The following TAS2R1 variants were observed in gnomAD, a reference collection of about 807,000 sequenced individuals.
TAS2R1 encodes the protein taste 2 receptor member 1.
For synonymous variants in TAS2R1, 141 were observed against 134.2 expected (o/e 1.05, Z -0.35); for missense variants, 370 against 353.4 (o/e 1.05, Z -0.38).
chr5:9,849,149 G>A, the TAS2R1 span, among the ~76,000 whole-genome samples: 2 of 152,210 alleles, frequency 1.3e-5, no homozygotes, highest in Non-Finnish European at 2.9e-5. Flanking sequence ...AGTCCCAGAT[G>A]GAGATGTTCC....
the TAS2R1 span, among the ~76,000 whole-genome samples, chr5:9,881,043 T>C: frequency 6.6e-6 from 1 of 152,110 alleles, no homozygotes; most frequent in Non-Finnish European, 1.5e-5. Flanking sequence ...TCTTTCCCAC[T>C]GCTGGCTCTG....
chr5:9,770,859 T>C, the TAS2R1 span, among the ~76,000 whole-genome samples: 1 of 152,184 alleles, frequency 6.6e-6, no homozygotes, highest in Non-Finnish European at 1.5e-5. Context: ...ATTTGGCTTC[T>C]TCCTTTCCAA....
chr5:9,649,927 G>T (rs897082995), intron 2 of TAS2R1, among the ~76,000 whole-genome samples: 4 of 151,988 alleles, frequency 2.6e-5, no homozygotes, highest in African/African-American at 9.7e-5. Context: ...AAATGTGCCT[G>T]TCTATTTTAA....
the TAS2R1 span, among the ~76,000 whole-genome samples, chr5:9,894,358 C>T: frequency 6.6e-6 from 1 of 151,956 alleles, no homozygotes; most frequent in East Asian, 1.9e-4. Flanking sequence ...GAGCCAAGAT[C>T]ACGCCATTGT....
At chr5:9,850,923 G>C in the TAS2R1 span, among the ~76,000 whole-genome samples, 1 of 152,194 alleles carries the variant, frequency 6.6e-6, no homozygotes. Flanking sequence ...GAGTGGGAGG[G>C]GGAGAATGAG....
intron 2 of TAS2R1, among the ~76,000 whole-genome samples, chr5:9,643,588 T>C (rs1338826103): frequency 6.6e-6 from 1 of 152,138 alleles, no homozygotes; most frequent in Non-Finnish European, 1.5e-5. Context: ...TCTAAATTCA[T>C]AAAAAATAAA....
chr5:9,894,823 C>G, the TAS2R1 span, among the ~76,000 whole-genome samples: 5 of 152,240 alleles, frequency 3.3e-5, no homozygotes, highest in Non-Finnish European at 7.3e-5. Flanking sequence ...TTGTGTGGTT[C>G]AGTTGGTAAA....
chr5:9,898,320 T>C, the TAS2R1 span, among the ~76,000 whole-genome samples: 1 of 152,196 alleles, frequency 6.6e-6, no homozygotes, highest in African/African-American at 2.4e-5. Flanking sequence ...TCCAATTTTA[T>C]GGCACAATAA....
chr5:9,728,887 C>T, the TAS2R1 span, among the ~76,000 whole-genome samples: 3 of 152,244 alleles, frequency 2.0e-5, no homozygotes, highest in South Asian at 2.1e-4. Flanking sequence ...TGAGGCCCGG[C>T]GCAGTTAGGA....
At chr5:9,633,293 A>ATT (rs775206834), upstream of TAS2R1, among the ~76,000 whole-genome samples, 50 of 62,516 alleles carry the variant, frequency 8.0e-4, no homozygotes, top group African/African-American at 3.1e-3. Flanking sequence ...GTGTGTGTAT[A>ATT]TTATATATAT....
the TAS2R1 span, among the ~76,000 whole-genome samples, chr5:9,798,989 C>T: frequency 1.6e-3 from 243 of 152,280 alleles, no homozygotes; most frequent in Non-Finnish European, 2.6e-3. Flanking sequence ...GGTTCCTCTC[C>T]CCTTTCTAAG....
the TAS2R1 span, among the ~76,000 whole-genome samples, chr5:9,812,248 T>C: frequency 6.6e-6 from 1 of 152,214 alleles, no homozygotes; most frequent in East Asian, 1.9e-4. Flanking sequence ...GAGAAGATGT[T>C]CGATAAATAT....
intron 2 of TAS2R1, among the ~76,000 whole-genome samples, chr5:9,643,491 T>G (rs1740126468): frequency 6.6e-6 from 1 of 152,120 alleles, no homozygotes; most frequent in Non-Finnish European, 1.5e-5. Context: ...TTGCTCTGGG[T>G]AAGTCAGTGA....
the TAS2R1 span, among the ~76,000 whole-genome samples, chr5:9,791,483 G>T: frequency 6.6e-6 from 1 of 152,184 alleles, no homozygotes; most frequent in Non-Finnish European, 1.5e-5. Context: ...TGAATCACTT[G>T]AGGCCAGGAG....
chr5:9,754,053 T>C, the TAS2R1 span, among the ~76,000 whole-genome samples: 1 of 152,148 alleles, frequency 6.6e-6, no homozygotes, highest in Non-Finnish European at 1.5e-5. Flanking sequence ...AAAAAGCTTA[T>C]CCACCATGAT....
chr5:9,842,212 A>G, the TAS2R1 span, among the ~76,000 whole-genome samples: 1 of 151,886 alleles, frequency 6.6e-6, no homozygotes, highest in African/African-American at 2.4e-5. Flanking sequence ...TTTTTTATTG[A>G]AAGTCAGACA....
the TAS2R1 span, among the ~76,000 whole-genome samples, chr5:9,835,349 C>CT: frequency 6.6e-6 from 1 of 152,188 alleles, no homozygotes; most frequent in Non-Finnish European, 1.5e-5. Context: ...CTAGAAACAC[C>CT]TTTTTTCTGC....
chr5:9,800,698 C>T, the TAS2R1 span, among the ~76,000 whole-genome samples: 1 of 152,174 alleles, frequency 6.6e-6, no homozygotes, highest in African/African-American at 2.4e-5. Context: ...GGTCATGGGC[C>T]ACTTCTAGTC....
the TAS2R1 span, among the ~76,000 whole-genome samples, chr5:9,771,572 T>C: frequency 6.6e-6 from 1 of 152,120 alleles, no homozygotes; most frequent in Non-Finnish European, 1.5e-5. Flanking sequence ...TTTTTCAGAA[T>C]AGTCTGAGTA....
Sources: gnomAD v4.1 joint callset for allele counts (sites outside exome capture counted in the v4.1 genomes callset) on GRCh38, gnomAD v4.1.1 for gene constraint, MANE v1.5 for transcripts, NCBI Gene and HGNC (gene_info 2026-07-23, HGNC 2026-07-21) for gene names.